The following TCP1 variants were observed in gnomAD, a reference collection of about 807,000 sequenced individuals.
TCP1 encodes t-complex 1.
A neutral mutation model predicts 54.7 loss-of-function variants in TCP1; 6 were observed. The ratio of observed to expected loss-of-function variants is 0.11; its 90% CI spans 0.06 to 0.22. TCP1 has a LOEUF of 0.22. Among genes scored for constraint, TCP1 ranks in the 10% least tolerant of loss-of-function variants. The probability of loss-of-function intolerance (pLI) is 1.00; values close to 1 mark genes in which losing one functional copy is unlikely to be tolerated. For synonymous variants in TCP1, 225 were observed against 229.7 expected, an observed-to-expected ratio of 0.98 and a Z score of 0.19; for missense variants, 511 against 678.2, an observed-to-expected ratio of 0.75 and a Z score of 2.74.
intron 7 of TCP1, among the ~76,000 whole-genome samples, chr6:159,782,708 A>C (rs1475793502): frequency 6.6e-6 from 1 of 152,196 alleles, no homozygotes; most frequent in Admixed American, 6.5e-5. Context: ...GCATTCTACT[A>C]GATAGAGGTA....
Position 159,778,885 on chromosome 6 carries a change from T to A in TCP1, c.*160A>T. ...TTTTTAAACTAATAAAGTACTAGGT[T>A]GCAATATGTGAAATCAGAGGACCAA... On this transcript the variant is annotated 3_prime_UTR_variant, in exon 12 of 12. Transcript: ENST00000321394. The A allele has an allele frequency of 6.2e-7, 1 of 1,606,514 alleles. No homozygotes were observed. Among genetic ancestry groups the A allele is most frequent in the East Asian group, 2.2e-5 (1 of 44,786 alleles).
intron 9 of TCP1, 93 bp downstream of exon 9, chr6:159,780,350 T>C: frequency 6.4e-7 from 1 of 1,570,710 alleles, no homozygotes; most frequent in South Asian, 1.1e-5. Context: ...CTCGTATCAC[T>C]GTGAGACTAC....
chr6:159,788,268 T>A, intron 1 of TCP1, 125 bp from the exon 2 acceptor site: 1 of 891,014 alleles, frequency 1.1e-6, no homozygotes, highest in Non-Finnish European at 1.7e-6. Flanking sequence ...TACAAATCTG[T>A]GTTAATTATT....
At chr6:159,779,398 G>A (rs1282025713) in intron 11 of TCP1, 137 bp from the exon 12 acceptor site, 7 of 972,158 alleles carry the variant, frequency 7.2e-6, no homozygotes, top group South Asian at 1.7e-5. Context: ...TCTACCAAAA[G>A]AAGCAGGGAG....
Position 159,787,886 on chromosome 6 carries a change from G to C in TCP1, c.151-15C>G. 1 of 1,612,608 alleles carries C rather than the reference G, an allele frequency of 6.2e-7. No homozygotes were observed. The highest frequency in any genetic ancestry group is 8.5e-7 in the Non-Finnish European group (1 of 1,179,110). On this transcript the variant is annotated splice_polypyrimidine_tract_variant and intron_variant, in intron 2 of 11. Coordinates refer to ENST00000321394, the MANE Select transcript of TCP1 (RefSeq NM_030752.3). Reference sequence around the variant, plus strand: ...ATGGTTACATCCTAAGAAATTCGCAGGAAAAAATATGAACCACTTATAGAA... The same window carrying C: ...ATGGTTACATCCTAAGAAATTCGCACGAAAAAATATGAACCACTTATAGAA...
chr6:159,788,374 T>G lies in TCP1; in HGVS notation c.65-231A>C, dbSNP rs1279925588. 6.6e-6 allele frequency: 3 copies of G among 455,086 alleles called. No individual in the cohort carries two copies. In the East Asian group the frequency reaches 1.2e-4, roughly 18 times the overall value. 28.2% of individuals were successfully genotyped at this position (455,086 alleles called of 1,614,324 possible). Reference sequence around the variant, plus strand: ...AGGCCGAGGCAGGAGGATCGCTTGATGCCAGGAGTTTGAGACCCCTTTGGG... The same window carrying G: ...AGGCCGAGGCAGGAGGATCGCTTGAGGCCAGGAGTTTGAGACCCCTTTGGG... On this transcript the variant is annotated intron_variant, in intron 1 of 11. Coordinates refer to ENST00000321394, the MANE Select transcript of TCP1 (RefSeq NM_030752.3).
At chr6:159,787,356 G>A (rs1478087623) in intron 3 of TCP1, among the ~76,000 whole-genome samples, 1 of 152,104 alleles carries the variant, frequency 6.6e-6, no homozygotes, top group African/African-American at 2.4e-5. Flanking sequence ...TGATGGGGGA[G>A]GAAACAAGAC....
At chr6:159,780,864 A>C in intron 8 of TCP1, 71 bp downstream of exon 8, 1 of 1,484,344 alleles carries the variant, frequency 6.7e-7, no homozygotes, top group African/African-American at 1.4e-5. Context: ...TCAATATTCC[A>C]ATGTAAAAAG....
chr6:159,780,963 G>A lies in TCP1; in HGVS notation c.945C>T (p.Asp315=). 1 of 1,609,194 alleles carries A rather than the reference G, an allele frequency of 6.2e-7. No individual in the cohort carries two copies. Among genetic ancestry groups the A allele is most frequent in the East Asian group, 2.2e-5 (1 of 44,782 alleles). ...CAGAAGCTTTGGCAATGCGTTTAAG[G>A]TCCCTTTTTAAAACTCTTCTAACTG... ...AMAVRRVLKR[D]LKRIAKASGA... The change falls in exon 8 of 12, where the codon GAC becomes GAT. Residue 315 remains aspartate, a synonymous_variant. Transcript: ENST00000321394.
chr6:159,789,138 G>A, intron 1 of TCP1: 2 of 469,086 alleles, frequency 4.3e-6, no homozygotes, highest in Middle Eastern at 5.8e-4. Flanking sequence ...CGCGGAGGGC[G>A]CGTTTCCAAC....
At chr6:159,786,018 G>A (rs773882426) in intron 3 of TCP1, 21 bp from the exon 4 acceptor site, 4 of 1,579,876 alleles carry the variant, frequency 2.5e-6, no homozygotes, top group East Asian at 2.2e-5. Flanking sequence ...AACATTCACT[G>A]GTCTGAGTGT....
At chr6:159,789,213 C>G (rs1255207482) in intron 1 of TCP1, 192 bp downstream of exon 1, 1 of 600,706 alleles carries the variant, frequency 1.7e-6, no homozygotes, top group Non-Finnish European at 2.9e-6. Flanking sequence ...GGCGGGGCTC[C>G]TCCTCGCTGT....
rs150792129 is a variant in TCP1, at chr6:159,778,770, G to A, written c.*275C>T. On this transcript the variant is annotated 3_prime_UTR_variant, in exon 12 of 12. Coordinates refer to ENST00000321394, the MANE Select transcript of TCP1 (RefSeq NM_030752.3). ...GGAGAGAATGGGCAGAAGTCGTGGT[G>A]TTGCAGCCCTGTGCATTGGGGGTGG... The A allele has an allele frequency of 1.2e-6, 2 of 1,614,252 alleles. No individual in the cohort carries two copies. Among genetic ancestry groups the A allele is most frequent in the Non-Finnish European group, 1.7e-6 (2 of 1,180,042 alleles).
At chr6:159,785,689 A>C (rs770067190) in intron 4 of TCP1, 193 bp from the exon 5 acceptor site, 2 of 789,598 alleles carry the variant, frequency 2.5e-6, no homozygotes, top group Middle Eastern at 2.2e-4. Flanking sequence ...AAGCATAGCC[A>C]CTAAAATCTA....
chr6:159,779,356 T>A, intron 11 of TCP1, 95 bp from the exon 12 acceptor site: 1 of 1,179,118 alleles, frequency 8.5e-7, no homozygotes, highest in Non-Finnish European at 1.2e-6. Flanking sequence ...GGTTGATTTT[T>A]AAATCAGACT....
Position 159,789,582 on chromosome 6 carries a change from A to G in TCP1, c.-114T>C. The G allele has an allele frequency of 7.5e-7, 1 of 1,326,098 alleles. No individual in the cohort carries two copies. The highest frequency in any genetic ancestry group is 1.1e-6 in the Non-Finnish European group (1 of 941,828). 82.1% of individuals were successfully genotyped at this position (1,326,098 alleles called of 1,614,324 possible). ...GCTGCGACGGCGTGGAGCGTACCCG[A>G]GCGATGTCCCAGGAGCTACTGGGTA... On this transcript the variant is annotated 5_prime_UTR_variant, in exon 1 of 12. Coordinates refer to ENST00000321394, the MANE Select transcript of TCP1 (RefSeq NM_030752.3).
In TCP1 at chr6:159,789,475, G is replaced by A. The variant is rs773515609; in HGVS notation, c.-7C>T. On this transcript the variant is annotated 5_prime_UTR_variant, in exon 1 of 12. Coordinates refer to ENST00000321394, the MANE Select transcript of TCP1 (RefSeq NM_030752.3). ...CGGACAAAGGCCCCTCCATCTTGAC[G>A]GCAGCGATACACGTCGAATTCTGCT... The A allele has an allele frequency of 7.4e-6, 12 of 1,613,796 alleles. No homozygotes were observed. Among genetic ancestry groups the A allele is most frequent in the South Asian group, 1.1e-5 (1 of 91,076 alleles).
In TCP1 at chr6:159,779,028, A is replaced by C; in HGVS notation, c.*17T>G. 6.2e-7 allele frequency: 1 copy of C among 1,607,214 alleles called. No individual in the cohort carries two copies. ...ACAATTGCATTTAACATTGTTATAA[A>C]TAAAAGGAACATCAGATCAATCATT... On this transcript the variant is annotated 3_prime_UTR_variant, in exon 12 of 12. Transcript: ENST00000321394.
At chr6:159,783,286 A>AG (rs1324863847) in intron 7 of TCP1, among the ~76,000 whole-genome samples, 2 of 152,178 alleles carry the variant, frequency 1.3e-5, no homozygotes, top group African/African-American at 4.8e-5. Flanking sequence ...GAAGGAAGGA[A>AG]AAAAGAACAC....
Sources: allele counts gnomAD v4.1 joint callset (sites outside exome capture counted in the v4.1 genomes callset), GRCh38; gene constraint gnomAD v4.1.1; transcripts MANE v1.5; gene names NCBI Gene and HGNC (gene_info 2026-07-23, HGNC 2026-07-21).